Variants in ZSCAN18 observed in about 807,000 individuals in gnomAD.
ZSCAN18 encodes the protein zinc finger and SCAN domain containing 18, also known as zinc finger and SCAN domain-containing protein 18.
A neutral mutation model predicts 31.1 loss-of-function variants in ZSCAN18; 16 were observed. That is an observed-to-expected ratio of 0.51 (90% CI 0.35 to 0.78). The LOEUF (loss-of-function observed/expected upper bound fraction) is 0.78. Ranked by LOEUF, ZSCAN18 falls within the 30% of genes least tolerant of loss-of-function variation. The probability of loss-of-function intolerance (pLI) is 0.01; values close to 1 mark genes in which losing one functional copy is unlikely to be tolerated. For missense variants in ZSCAN18, 731 were observed against 697.4 expected, an observed-to-expected ratio of 1.05 and a Z score of -0.54; for synonymous variants, 375 against 320.7, an observed-to-expected ratio of 1.17 and a Z score of -1.81.
At chr19:58,086,676 C>T in intron 5 of ZSCAN18, 4 of 518,568 alleles carry the variant, frequency 7.7e-6, no homozygotes, top group Non-Finnish European at 1.4e-5. Flanking sequence ...GAGGCCTTTC[C>T]AAATTCCGAG....
intron 1 of ZSCAN18, among the ~76,000 whole-genome samples, chr19:58,104,768 G>A (rs1004262207): frequency 4.6e-5 from 7 of 151,078 alleles, no homozygotes; most frequent in Non-Finnish European, 1.0e-4. Context: ...AGCTAGCAGA[G>A]GTTGGTTCAT....
chr19:58,103,179 G>C (rs2074608854), upstream of ZSCAN18, among the ~76,000 whole-genome samples: 1 of 151,996 alleles, frequency 6.6e-6, no homozygotes, highest in African/African-American at 2.4e-5. Flanking sequence ...TGATTAACCT[G>C]GTTTGTTTTC....
intron 1 of ZSCAN18, among the ~76,000 whole-genome samples, chr19:58,114,439 T>C (rs910917029): frequency 1.6e-5 from 1 of 61,132 alleles, no homozygotes; most frequent in African/African-American, 4.2e-5. Flanking sequence ...TGCCAACATA[T>C]TTATGAGTAA....
At chr19:58,111,985 T>C (rs904480683) in intron 1 of ZSCAN18, among the ~76,000 whole-genome samples, 9 of 152,172 alleles carry the variant, frequency 5.9e-5, no homozygotes, top group African/African-American at 7.2e-5. Flanking sequence ...ATTAAAAGCA[T>C]TGGACAAAAT....
upstream of ZSCAN18, among the ~76,000 whole-genome samples, chr19:58,100,713 G>C (rs12974045): frequency 6.8e-6 from 1 of 147,712 alleles, no homozygotes; most frequent in Admixed American, 6.7e-5. Flanking sequence ...TGAAACCCTG[G>C]CTCTACTAAA....
At chr19:58,117,326 C>T (rs2074738403) in intron 1 of ZSCAN18, among the ~76,000 whole-genome samples, 1 of 151,934 alleles carries the variant, frequency 6.6e-6, no homozygotes, top group Non-Finnish European at 1.5e-5. Context: ...GGTCAGCATT[C>T]GGGCATCAGA....
At chr19:58,117,871 C>G (rs11084538) in intron 1 of ZSCAN18, among the ~76,000 whole-genome samples, 10 of 151,494 alleles carry the variant, frequency 6.6e-5, no homozygotes, top group Non-Finnish European at 1.2e-4. Context: ...TTAGAGGGTC[C>G]GTGCTCCACA....
chr19:58,089,370 G>C (rs1197488525), intron 2 of ZSCAN18, among the ~76,000 whole-genome samples: 6 of 131,398 alleles, frequency 4.6e-5, no homozygotes. Context: ...GCTCACAACT[G>C]TAATCCCAGC....
Position 58,087,316 on chromosome 19 carries a change from C to G in ZSCAN18, c.642G>C (p.Gln214His). ...CACCCACCTGCTCGTGCCCACCCACCTGCTCGGTGTTGGCAGGGCCGTCCT... is the reference window on the plus strand; with the variant it reads ...CACCCACCTGCTCGTGCCCACCCACGTGCTCGGTGTTGGCAGGGCCGTCCT... ...TEEDGPANTE[Q>H]KLKSFPEDPQ... The change falls in exon 4 of 7, where the codon CAG becomes CAC. Residue 214 changes from glutamine to histidine, a missense_variant and splice_region_variant. Gln to His is a conservative substitution (Grantham distance 24). Around this residue, in one of 4 missense-constraint regions of ZSCAN18, gnomAD observed 597 missense variants for 499.5 expected, o/e 1.20. Coordinates refer to ENST00000601144, the MANE Select transcript of ZSCAN18 (RefSeq NM_001145543.2). 6.2e-7 allele frequency: 1 copy of G among 1,603,844 alleles called. No homozygotes were observed. The highest frequency in any genetic ancestry group is 1.1e-5 in the South Asian group (1 of 88,932).
At chr19:58,105,411 C>T (rs1238503675) in intron 1 of ZSCAN18, among the ~76,000 whole-genome samples, 1 of 152,188 alleles carries the variant, frequency 6.6e-6, no homozygotes, top group Non-Finnish European at 1.5e-5. Context: ...CCTGTAATCC[C>T]AGCACTTTGG....
intron 1 of ZSCAN18, among the ~76,000 whole-genome samples, chr19:58,104,586 C>G (rs562493389): frequency 6.6e-6 from 1 of 152,090 alleles, no homozygotes; most frequent in African/African-American, 2.4e-5. Context: ...CCTGTAATCC[C>G]TGCTACTCAA....
chr19:58,087,637 T>A (rs1453007806), intron 3 of ZSCAN18: 3 of 113,314 alleles, frequency 2.6e-5, no homozygotes, highest in Non-Finnish European at 1.9e-5. Context: ...CATGGAAATC[T>A]TTTTTTTTTT....
chr19:58,085,276 A>T lies in ZSCAN18; in HGVS notation c.942T>A (p.Leu314=). Residue 314 remains leucine (L), a synonymous_variant, in exon 7 of 7, where the codon CTT becomes CTA. Transcript: ENST00000601144. ...LPTEAPPGDA[L]ADPPSGTTEE... is the part of the protein sequence containing the mutation. ...CAGTGGTGCCCGACGGGGGATCGGCAAGGGCGTCCCCAGGGGGCGCCTCCG... is the reference window on the plus strand; with the variant it reads ...CAGTGGTGCCCGACGGGGGATCGGCTAGGGCGTCCCCAGGGGGCGCCTCCG... 1 of 1,601,948 alleles carries T rather than the reference A, an allele frequency of 6.2e-7. No individual in the cohort carries two copies. Among genetic ancestry groups the T allele is most frequent in the Non-Finnish European group, 8.5e-7 (1 of 1,177,922 alleles).
At position 58,088,699 on chromosome 19, in the gene ZSCAN18, G is replaced by C; in HGVS notation, c.542C>G (p.Pro181Arg). ...AGCTGGGCACTCACGTGTCTCAGAA[G>C]GTGCCGGGATCTCCCCAGCTCCAAG... ...QALGAGEIPA[P>R]SETPWLSPDP... is the part of the protein sequence containing the mutation. Residue 181 changes from proline (P) to arginine (R), a missense_variant, in exon 3 of 7, where the codon CCT (proline) becomes CGT (arginine). Physicochemically the swap from Pro to Arg is moderately radical, Grantham distance 103. Around this residue, in one of 4 missense-constraint regions of ZSCAN18, gnomAD observed 597 missense variants for 499.5 expected, o/e 1.20. Coordinates refer to ENST00000601144, the MANE Select transcript of ZSCAN18 (RefSeq NM_001145543.2). The C allele has an allele frequency of 6.2e-7, 1 of 1,609,736 alleles. No individual in the cohort carries two copies. The highest frequency in any genetic ancestry group is 8.5e-7 in the Non-Finnish European group (1 of 1,179,930).
exon 1 of ZSCAN18, chr19:58,118,360 T>G: frequency 2.0e-6 from 3 of 1,533,532 alleles, no homozygotes; most frequent in Non-Finnish European, 2.6e-6. Flanking sequence ...CCCGCCGCCG[T>G]AGCGTCCTCG....
intron 5 of ZSCAN18, 82 bp from the exon 6 acceptor site, chr19:58,086,348 G>A: frequency 1.5e-6 from 2 of 1,306,802 alleles, no homozygotes; most frequent in South Asian, 2.5e-5. Context: ...GGCCAGCCAG[G>A]GCAGGCTGCA....
chr19:58,114,424 G>A (rs2074713316), intron 1 of ZSCAN18, among the ~76,000 whole-genome samples: 1 of 116,420 alleles, frequency 8.6e-6, no homozygotes, highest in Admixed American at 9.6e-5. Context: ...TTCTTAGAAT[G>A]TATGTGCCAA....
At chr19:58,116,261 A>G (rs1352504643) in intron 1 of ZSCAN18, among the ~76,000 whole-genome samples, 1 of 147,858 alleles carries the variant, frequency 6.8e-6, no homozygotes, top group African/African-American at 2.5e-5. Context: ...TTCATCACAC[A>G]CCCCCTCTGT....
At chr19:58,111,688 T>C (rs1053235469) in intron 1 of ZSCAN18, among the ~76,000 whole-genome samples, 1 of 152,086 alleles carries the variant, frequency 6.6e-6, no homozygotes, top group African/African-American at 2.4e-5. Context: ...TAAAGAAGAA[T>C]TAATACCAAT....
Sources: gnomAD v4.1 joint callset for allele counts (sites outside exome capture counted in the v4.1 genomes callset) on GRCh38, gnomAD v4.1.1 for gene constraint, gnomAD v4.1.1 regional missense constraint, MANE v1.5 for transcripts, NCBI Gene and HGNC (gene_info 2026-07-23, HGNC 2026-07-21) for gene names.